The following CDH18 variants were observed in gnomAD, a reference collection of about 807,000 sequenced individuals.
The protein encoded by CDH18 is cadherin 18.
A neutral mutation model predicts 67.9 loss-of-function variants in CDH18; 31 were observed. The observed-to-expected ratio is 0.46, with a 90% CI of 0.34 to 0.62. The LOEUF is 0.62. Ranked by LOEUF, CDH18 falls within the 20% of genes least tolerant of loss-of-function variation. The pLI is 0.01. For missense variants in CDH18, 890 were observed against 975.5 expected (o/e 0.91, Z 1.17); for synonymous variants, 362 against 347.2 (o/e 1.04, Z -0.48).
At chr5:20,048,284 C>T (rs1335324259) in intron 2 of CDH18, among the ~76,000 whole-genome samples, 1 of 151,578 alleles carries the variant, frequency 6.6e-6, no homozygotes, top group African/African-American at 2.4e-5. Context: ...TCCTGATGCA[C>T]TCAACGTGCT....
chr5:20,509,602 A>C (rs141120177), intron 1 of CDH18, among the ~76,000 whole-genome samples: 110 of 3,134 alleles, frequency 0.035, no homozygotes, highest in Middle Eastern at 0.25. Context: ...TTTTATTTTT[A>C]ATACAGATGG....
At chr5:20,022,312 G>A (rs1211716131) in intron 2 of CDH18, among the ~76,000 whole-genome samples, 1 of 152,126 alleles carries the variant, frequency 6.6e-6, no homozygotes. Flanking sequence ...GGTAAGGTTT[G>A]GAACCTAATT....
intron 1 of CDH18, among the ~76,000 whole-genome samples, chr5:20,363,187 T>A (rs76497580): frequency 9.9e-4 from 151 of 152,220 alleles, no homozygotes; most frequent in African/African-American, 3.6e-3. Flanking sequence ...ACTGTCCTGT[T>A]TAAAAGCCAG....
chr5:19,898,149 T>C (rs758044666), intron 2 of CDH18, among the ~76,000 whole-genome samples: 1 of 152,092 alleles, frequency 6.6e-6, no homozygotes, highest in African/African-American at 2.4e-5. Flanking sequence ...TCTATATTAT[T>C]TTATTTATCT....
rs148802073 is a variant in CDH18, at chr5:19,835,964, C to T, written c.228+2795G>A. Among the ~76,000 whole-genome samples the T allele has an allele frequency of 5.5e-3, 837 of 152,228 alleles. 3 individuals are homozygous for T. The highest frequency in any genetic ancestry group is 0.011 in the South Asian group (54 of 4,826). On this transcript the variant is annotated intron_variant, in intron 3 of 12. Transcript: ENST00000382275. ...GAGCTCTCAACCATATGTTCATTGG[C>T]ACCATATGTTCATTCAATTCCAGAA...
At chr5:19,499,033 G>T (rs928232840) in intron 11 of CDH18, among the ~76,000 whole-genome samples, 30 of 152,250 alleles carry the variant, frequency 2.0e-4, no homozygotes, top group South Asian at 8.3e-4. Context: ...CACCTGTGAT[G>T]AGATCATCAC....
At chr5:20,430,929 G>A (rs1014571285) in intron 1 of CDH18, among the ~76,000 whole-genome samples, 14 of 152,006 alleles carry the variant, frequency 9.2e-5, no homozygotes, top group African/African-American at 2.2e-4. Flanking sequence ...TAAATGTTAC[G>A]AAAATGTTTT....
At chr5:20,386,859 G>A (rs1337107401) in intron 1 of CDH18, among the ~76,000 whole-genome samples, 1 of 152,044 alleles carries the variant, frequency 6.6e-6, no homozygotes, top group Admixed American at 6.6e-5. Flanking sequence ...TTTGGGGCAT[G>A]CCACTGTCAT....
intron 1 of CDH18, among the ~76,000 whole-genome samples, chr5:20,465,548 CAT>C (rs1751577438): frequency 6.6e-6 from 1 of 151,892 alleles, no homozygotes; most frequent in African/African-American, 2.4e-5. Flanking sequence ...TTAAATAACA[CAT>C]ATCTGAAATA....
chr5:19,734,322 C>G (rs1197873365), intron 4 of CDH18, among the ~76,000 whole-genome samples: 1 of 152,062 alleles, frequency 6.6e-6, no homozygotes, highest in African/African-American at 2.4e-5. Flanking sequence ...TGTTGAGTAC[C>G]CTTCTATTTC....
At chr5:19,727,934 C>T (rs1049915498) in intron 4 of CDH18, among the ~76,000 whole-genome samples, 3 of 152,068 alleles carry the variant, frequency 2.0e-5, no homozygotes, top group African/African-American at 4.8e-5. Context: ...AATTTTATCA[C>T]TCGTTAAAAG....
intron 5 of CDH18, among the ~76,000 whole-genome samples, chr5:19,714,257 T>C (rs1161817464): frequency 7.4e-6 from 1 of 135,724 alleles, no homozygotes; most frequent in Non-Finnish European, 1.7e-5. Flanking sequence ...TGTTGATAGA[T>C]ACAGGGAAGT....
At chr5:19,963,714 A>G (rs1477317753) in intron 2 of CDH18, among the ~76,000 whole-genome samples, 2 of 151,910 alleles carry the variant, frequency 1.3e-5, no homozygotes, top group Non-Finnish European at 2.9e-5. Flanking sequence ...TAAATTACCC[A>G]GTATTGGGTA....
intron 8 of CDH18, among the ~76,000 whole-genome samples, chr5:19,562,400 C>A (rs1337923398): frequency 6.6e-6 from 1 of 151,878 alleles, no homozygotes; most frequent in Non-Finnish European, 1.5e-5. Flanking sequence ...TATTTCTAAT[C>A]CAACTCATCA....
In CDH18 at chr5:20,305,655, G is replaced by A. The variant is rs956663460; in HGVS notation, c.-579-50150C>T. On this transcript the variant is annotated intron_variant, in intron 1 of 14. Coordinates refer to the CDH18 transcript ENST00000507958. ...AAACGCCATGTCCGGGGGGTGGGGG[G>A]AGCGGCGGTAGGGGAGATCCTCACG... The A allele has an allele frequency of 6.5e-5, 27 of 417,392 alleles. No homozygotes were observed. In the East Asian group the frequency reaches 6.8e-4, roughly 10 times the overall value. The allele number at this position is 417,392 out of a possible 1,614,324, so 25.9% of individuals were successfully genotyped here.
At chr5:19,692,032 C>T (rs1403762773) in intron 5 of CDH18, among the ~76,000 whole-genome samples, 3 of 151,914 alleles carry the variant, frequency 2.0e-5, no homozygotes, top group Admixed American at 6.6e-5. Flanking sequence ...TAAAAACAGG[C>T]ACGTAGACCA....
At chr5:20,504,731 G>T (rs1298029676) in intron 1 of CDH18, among the ~76,000 whole-genome samples, 4 of 150,904 alleles carry the variant, frequency 2.7e-5, no homozygotes, top group Non-Finnish European at 5.9e-5. Context: ...AAGTCTTTTG[G>T]CAGGTAGAAA....
intron 3 of CDH18, among the ~76,000 whole-genome samples, chr5:19,835,473 TTC>T (rs1581569829): frequency 6.6e-6 from 1 of 151,980 alleles, no homozygotes; most frequent in Admixed American, 6.6e-5. Flanking sequence ...GTTTGTTTGT[TTC>T]TCTGTATTTT....
rs1246274797 is a variant in CDH18, at chr5:20,360,913, T to C, written c.-579-105408A>G. ...TCACAAAAATTTCAAATCGAAGATA[T>C]ATATTCAAAGGCAAAATGCTTTTAA... On this transcript the variant is annotated intron_variant, in intron 1 of 14. Transcript: ENST00000507958. 7.9e-5 allele frequency among the ~76,000 whole-genome samples: 12 copies of C among 152,260 alleles called. 1 individual carries two copies. In the South Asian group the frequency reaches 2.1e-3, roughly 26 times the overall value.
Sources: allele counts gnomAD v4.1 joint callset (sites outside exome capture counted in the v4.1 genomes callset), GRCh38; gene constraint gnomAD v4.1.1; transcripts MANE v1.5; gene names NCBI Gene and HGNC (gene_info 2026-07-23, HGNC 2026-07-21).